Variants in PCNT observed in about 807,000 individuals in gnomAD.
PCNT encodes pericentrin.
A neutral mutation model predicts 380.4 loss-of-function variants in PCNT; 319 were observed. That is an observed-to-expected ratio of 0.84 (90% CI 0.77 to 0.92). The LOEUF is 0.92. PCNT is among the 40% of genes least tolerant of loss of function. The probability of loss-of-function intolerance (pLI) is 0.00; values close to 1 mark genes in which losing one functional copy is unlikely to be tolerated. For missense variants in PCNT, 4,400 were observed against 4,255.3 expected (o/e 1.03, Z -0.95); for synonymous variants, 1,845 against 1,735.2 (o/e 1.06, Z -1.57).
intron 15 of PCNT, among the ~76,000 whole-genome samples, chr21:46,370,048 G>T (rs1349945866): frequency 6.6e-6 from 1 of 152,206 alleles, no homozygotes; most frequent in Non-Finnish European, 1.5e-5. Context: ...GTTCCCACAG[G>T]GGTGCCTCCC....
At chr21:46,406,792 T>C (rs954199675) in intron 27 of PCNT, among the ~76,000 whole-genome samples, 1 of 152,366 alleles carries the variant, frequency 6.6e-6, no homozygotes, top group East Asian at 1.9e-4. Flanking sequence ...TTTTTCTGGA[T>C]CTATTGAAAT....
chr21:46,345,853 C>G (rs1345328656), intron 3 of PCNT, among the ~76,000 whole-genome samples: 1 of 152,214 alleles, frequency 6.6e-6, no homozygotes, highest in Non-Finnish European at 1.5e-5. Context: ...TGTGTCTGCT[C>G]TGTCACTCAG....
At position 46,431,982 on chromosome 21, in the gene PCNT, A is replaced by C. The variant is rs1159232231; in HGVS notation, c.8518A>C (p.Ser2840Arg). 2 of 1,613,894 alleles carry C rather than the reference A, an allele frequency of 1.2e-6. No homozygotes were observed. Among genetic ancestry groups the C allele is most frequent in the African/African-American group, 2.7e-5 (2 of 74,940 alleles). ...GGCGCTCAGGAGAGAGAAGGAGGTA[A>C]GTGCCACACTGAAGTCGACGGTGGA... ...CEALRREKEV[S>R]ATLKSTVEAL... The change falls in exon 38 of 47, where the codon AGT becomes CGT. Residue 2840 changes from serine to arginine, a missense_variant. By Grantham distance (110) the Ser-to-Arg change is moderately radical. Coordinates refer to ENST00000359568, the MANE Select transcript of PCNT (RefSeq NM_006031.6).
In PCNT at chr21:46,440,984, G is replaced by GC; in HGVS notation, c.9526dup (p.His3176ProfsTer39). 2 of 1,613,772 alleles carry GC rather than the reference G, an allele frequency of 1.2e-6. No homozygotes were observed. The highest frequency in any genetic ancestry group is 1.7e-6 in the Non-Finnish European group (2 of 1,179,634). ...TGAACAAGAAACACTCTCCATGATT[G>GC]CCCATTTGGGGGTATTTCCTTCCAA... On this transcript the variant is annotated frameshift_variant, in exon 43 of 47. Transcript: ENST00000359568. LOFTEE classifies it high-confidence loss of function.
At chr21:46,438,669 A>ATTTTTT (rs34152810) in intron 41 of PCNT, among the ~76,000 whole-genome samples, 1 of 127,580 alleles carries the variant, frequency 7.8e-6, no homozygotes, top group Non-Finnish European at 1.6e-5. Flanking sequence ...GTGATTTATA[A>ATTTTTT]TTTTTTTTTT....
chr21:46,427,222 G>A (rs141896742), intron 33 of PCNT, among the ~76,000 whole-genome samples: 7 of 152,278 alleles, frequency 4.6e-5, no homozygotes, highest in East Asian at 1.9e-4. Context: ...TTTGCTTCTC[G>A]TGCCTTGAAT....
intron 44 of PCNT, chr21:46,442,808 C>T: frequency 1.7e-6 from 1 of 588,376 alleles, no homozygotes; most frequent in South Asian, 2.0e-5. Flanking sequence ...ATGGGAAACA[C>T]TGAGATGCTC....
At chr21:46,349,282 C>T (rs942735593) in intron 7 of PCNT, 96 bp downstream of exon 7, 3 of 1,021,844 alleles carry the variant, frequency 2.9e-6, no homozygotes, top group African/African-American at 1.6e-5. Flanking sequence ...TCATTGCGCA[C>T]GTTTCCTACC....
intron 27 of PCNT, among the ~76,000 whole-genome samples, chr21:46,409,121 A>G (rs1258431005): frequency 6.9e-6 from 1 of 144,876 alleles, no homozygotes; most frequent in Non-Finnish European, 1.5e-5. Context: ...ATTTGCAGGT[A>G]TTTTCTCCCA....
Position 46,391,198 on chromosome 21 carries a change from T to C in PCNT, c.4038T>C (p.Asp1346=). ...TLEGFKVETA[D]LKEVLAGKED... The stretch of plus-strand genomic sequence containing the variant: ...AGGGATTCAAGGTGGAGACAGCAGA[T>C]CTGAAGGAGGTGCTGGCCGGGAAGG... The change falls in exon 21 of 47, where the codon GAT becomes GAC. Residue 1346 remains aspartate, a synonymous_variant. Coordinates refer to ENST00000359568, the MANE Select transcript of PCNT (RefSeq NM_006031.6). The C allele has an allele frequency of 6.2e-7, 1 of 1,608,322 alleles. No individual in the cohort carries two copies. The highest frequency in any genetic ancestry group is 8.5e-7 in the Non-Finnish European group (1 of 1,177,644).
Position 46,425,728 on chromosome 21 carries a change from G to C in PCNT, c.7180-103G>C, listed in dbSNP as rs943248859. ...GTGCCCTCCCTCTCCACAGCTGCCCGCCCTTCACAGAGTCCTGGCGGCAGC... is the reference window on the plus strand; with the variant it reads ...GTGCCCTCCCTCTCCACAGCTGCCCCCCCTTCACAGAGTCCTGGCGGCAGC... On this transcript the variant is annotated intron_variant, in intron 32 of 46. Transcript: ENST00000359568. The surrounding 1 kb of genome is among the most constrained non-coding windows in gnomAD (Gnocchi z 4.2). The C allele has an allele frequency of 7.8e-6, 12 of 1,537,452 alleles. No homozygotes were observed. The highest frequency in any genetic ancestry group is 6.8e-5 in the East Asian group (3 of 44,382).
At chr21:46,370,851 C>T (rs921619256) in intron 15 of PCNT, among the ~76,000 whole-genome samples, 3 of 152,142 alleles carry the variant, frequency 2.0e-5, no homozygotes, top group South Asian at 2.1e-4. Context: ...CTGGCTAACA[C>T]GGTGGAACCC....
chr21:46,372,605 T>C (rs757541594), intron 15 of PCNT, among the ~76,000 whole-genome samples: 11 of 152,194 alleles, frequency 7.2e-5, no homozygotes, highest in Non-Finnish European at 1.3e-4. Flanking sequence ...ATGGTACATA[T>C]GGTTTCAAGG....
At chr21:46,418,331 A>T (rs766991483) in intron 31 of PCNT, 25 bp downstream of exon 31, 14 of 1,335,814 alleles carry the variant, frequency 1.0e-5, no homozygotes, top group Non-Finnish European at 3.2e-6. Flanking sequence ...TTTCATTTTT[A>T]ATTTTTTATT....
Position 46,355,517 on chromosome 21 carries a change from G to T in PCNT, c.1827G>T (p.Glu609Asp). The change falls in exon 12 of 47, where the codon GAG becomes GAT. Residue 609 changes from glutamate to aspartate, a missense_variant. By Grantham distance (45) the Glu-to-Asp change is conservative. Coordinates refer to ENST00000359568, the MANE Select transcript of PCNT (RefSeq NM_006031.6). ...ESHRHQLEAL[E>D]SPLCIQHEGH... ...ACAGGCACCAGCTGGAAGCGCTGGA[G>T]TCTCCCCTCTGCATCCAGCACGAGG... is the stretch of plus-strand genomic sequence containing the variant. The T allele has an allele frequency of 6.2e-7, 1 of 1,614,104 alleles. No individual in the cohort carries two copies. Among genetic ancestry groups the T allele is most frequent in the Admixed American group, 1.7e-5 (1 of 60,038 alleles).
intron 21 of PCNT, 123 bp from the exon 22 acceptor site, chr21:46,397,142 C>T: frequency 5.0e-6 from 4 of 793,010 alleles, no homozygotes; most frequent in Non-Finnish European, 8.7e-6. Flanking sequence ...GCGTTTTACC[C>T]CGAATTGAAG....
At position 46,346,885 on chromosome 21, in the gene PCNT, G is replaced by T. The variant is rs542099749; in HGVS notation, c.863G>T (p.Arg288Leu). The change falls in exon 5 of 47, where the codon CGT becomes CTT. Residue 288 changes from arginine (R) to leucine (L), a missense_variant. Coordinates refer to ENST00000359568, the MANE Select transcript of PCNT (RefSeq NM_006031.6). The part of the protein sequence containing the change: ...TELREMLNSR[R>L]AQELALLQSR... ...CTGCGGGAGATGCTCAACAGCCGGC[G>T]TGCCCAGGAGCTGGCCCTGCTACAG... 2 of 1,607,072 alleles carry T rather than the reference G, an allele frequency of 1.2e-6. 1 individual carries two copies. The highest frequency in any genetic ancestry group is 3.4e-5 in the Admixed American group (2 of 58,926).
intron 37 of PCNT, chr21:46,431,028 CAGCAGG>C: frequency 2.0e-6 from 2 of 985,464 alleles, no homozygotes; most frequent in Non-Finnish European, 2.4e-6. Context: ...GGCGGAGGCC[CAGCAGG>C]CCTGCTGTGG....
chr21:46,360,722 G>C (rs1043283207), intron 13 of PCNT, among the ~76,000 whole-genome samples: 5 of 150,504 alleles, frequency 3.3e-5, no homozygotes, highest in African/African-American at 1.2e-4. Context: ...GTTTCACCAT[G>C]TTAGCCAGGA....
Sources: gnomAD v4.1 joint callset for allele counts (sites outside exome capture counted in the v4.1 genomes callset) on GRCh38, gnomAD v4.1.1 for gene constraint, Gnocchi (gnomAD v3.1) non-coding constraint, MANE v1.5 for transcripts, NCBI Gene and HGNC (gene_info 2026-07-23, HGNC 2026-07-21) for gene names.